The following PRKCE variants were observed in gnomAD, a reference collection of about 807,000 sequenced individuals.
PRKCE encodes protein kinase C epsilon type.
A neutral mutation model predicts 85.4 loss-of-function variants in PRKCE; 16 were observed. The observed-to-expected ratio is 0.19, with a 90% CI of 0.13 to 0.28. The LOEUF (loss-of-function observed/expected upper bound fraction) is 0.28, where lower values mean the gene tolerates loss of function less well. Among genes scored for constraint, PRKCE ranks in the 10% least tolerant of loss-of-function variants. The pLI, the probability that PRKCE is intolerant of heterozygous loss-of-function variation, is 1.00. For synonymous variants in PRKCE, 388 were observed against 371.5 expected (o/e 1.04, Z -0.51); for missense variants, 573 against 975.2 (o/e 0.59, Z 5.49).
intron 2 of PRKCE, among the ~76,000 whole-genome samples, chr2:45,869,605 A>G (rs982839257): frequency 6.6e-6 from 1 of 152,024 alleles, no homozygotes; most frequent in Admixed American, 6.6e-5. Flanking sequence ...TGAGCTCACT[A>G]AGGGAGCACA....
At chr2:45,864,987 G>T (rs955282316) in intron 2 of PRKCE, among the ~76,000 whole-genome samples, 3 of 152,156 alleles carry the variant, frequency 2.0e-5, no homozygotes, top group Admixed American at 6.5e-5. Context: ...ACATTCCTAA[G>T]TTCTCAGGTA....
chr2:46,169,101 T>TG (rs1230072387), intron 14 of PRKCE, among the ~76,000 whole-genome samples: 1 of 152,068 alleles, frequency 6.6e-6, no homozygotes, highest in African/African-American at 2.4e-5. Context: ...GCAAGCTGAC[T>TG]GGGGGGGTGT....
chr2:45,732,442 G>A (rs1425690843), intron 1 of PRKCE, among the ~76,000 whole-genome samples: 1 of 152,076 alleles, frequency 6.6e-6, no homozygotes, highest in East Asian at 1.9e-4. Flanking sequence ...ATGAAATACA[G>A]TATTATTGGT....
intron 1 of PRKCE, among the ~76,000 whole-genome samples, chr2:45,817,433 C>T (rs1347942535): frequency 6.6e-6 from 1 of 152,166 alleles, no homozygotes; most frequent in African/African-American, 2.4e-5. Context: ...GTGGCTCACG[C>T]TTGTAATCCC....
chr2:45,986,543 AG>A (rs1179543778), intron 6 of PRKCE, among the ~76,000 whole-genome samples: 1 of 152,068 alleles, frequency 6.6e-6, no homozygotes, highest in East Asian at 1.9e-4. Context: ...ATCCAGGAGG[AG>A]GTGAGTGGAC....
At chr2:46,083,587 G>C (rs547309538) in intron 10 of PRKCE, among the ~76,000 whole-genome samples, 1 of 152,294 alleles carries the variant, frequency 6.6e-6, no homozygotes, top group African/African-American at 2.4e-5. Context: ...TTCAGTGAAT[G>C]ATCCAGCTGT....
intron 1 of PRKCE, among the ~76,000 whole-genome samples, chr2:45,663,453 A>G (rs1319671266): frequency 6.6e-6 from 1 of 152,132 alleles, no homozygotes; most frequent in Non-Finnish European, 1.5e-5. Context: ...GGAAAATGGG[A>G]TCTAAATAGA....
chr2:45,683,757 C>A (rs1677080518), intron 1 of PRKCE, among the ~76,000 whole-genome samples: 1 of 152,184 alleles, frequency 6.6e-6, no homozygotes, highest in Non-Finnish European at 1.5e-5. Flanking sequence ...GATAAACGGT[C>A]CCAGGCAGTC....
chr2:46,101,160 G>A (rs558476375), intron 11 of PRKCE, among the ~76,000 whole-genome samples: 2 of 152,190 alleles, frequency 1.3e-5, no homozygotes, highest in Non-Finnish European at 2.9e-5. Context: ...GAGCCACCAT[G>A]CCTGGCCTAT....
At position 45,928,043 on chromosome 2, in the gene PRKCE, A is replaced by G. The variant is rs1698763495; in HGVS notation, c.413-48386A>G. 3.9e-5 allele frequency among the ~76,000 whole-genome samples: 6 copies of G among 152,078 alleles called. No individual in the cohort carries two copies. The South Asian group carries it at 1.2e-3, about 32-fold the overall frequency. ...GCTATTGTTTGTTCTTTTGGGCTCT[A>G]AGATAGTACCCCTAGCACTAAACTC... On this transcript the variant is annotated intron_variant, in intron 2 of 14. Coordinates refer to ENST00000306156, the MANE Select transcript of PRKCE (RefSeq NM_005400.3).
chr2:45,976,003 C>A (rs1277592916), intron 2 of PRKCE, among the ~76,000 whole-genome samples: 5 of 152,156 alleles, frequency 3.3e-5, no homozygotes, highest in African/African-American at 1.2e-4. Context: ...ACTGCCATTG[C>A]CATTTACAAA....
chr2:45,958,816 A>ATATATAT (rs1701181096), intron 2 of PRKCE, among the ~76,000 whole-genome samples: 2 of 18,158 alleles, frequency 1.1e-4, no homozygotes, highest in Non-Finnish European at 1.9e-4. Context: ...ATATATATAT[A>ATATATAT]TTTTTTTTTT....
chr2:45,886,375 G>T (rs1695304952), intron 2 of PRKCE, among the ~76,000 whole-genome samples: 1 of 152,170 alleles, frequency 6.6e-6, no homozygotes, highest in Non-Finnish European at 1.5e-5. Flanking sequence ...TGACCGTCTG[G>T]CTATCTTAGA....
At chr2:45,752,971 T>C (rs4953246) in intron 1 of PRKCE, among the ~76,000 whole-genome samples, 40,686 of 152,054 alleles carry the variant, frequency 0.27, 5,920 homozygotes, top group East Asian at 0.4. Context: ...GGAGGGTCCT[T>C]GGGGTTTATG....
intron 10 of PRKCE, among the ~76,000 whole-genome samples, chr2:46,080,881 C>T (rs1199840215): frequency 1.3e-5 from 2 of 152,102 alleles, no homozygotes; most frequent in Non-Finnish European, 2.9e-5. Context: ...AGAGTGGGCA[C>T]CCAGCTCCAG....
chr2:45,951,795 C>G (rs1365154510), intron 2 of PRKCE, among the ~76,000 whole-genome samples: 1 of 152,196 alleles, frequency 6.6e-6, no homozygotes, highest in African/African-American at 2.4e-5. Flanking sequence ...TAAAATGTGA[C>G]AAACTCAGTT....
intron 2 of PRKCE, among the ~76,000 whole-genome samples, chr2:45,966,409 A>C (rs1212320655): frequency 6.6e-6 from 1 of 152,144 alleles, no homozygotes; most frequent in African/African-American, 2.4e-5. Flanking sequence ...AGTACCTCAT[A>C]CACTTAAGGT....
intron 1 of PRKCE, among the ~76,000 whole-genome samples, chr2:45,681,350 C>T (rs1310141912): frequency 6.8e-6 from 1 of 146,382 alleles, no homozygotes; most frequent in African/African-American, 2.5e-5. Context: ...AATAAGCCTC[C>T]TGGTGGGAAG....
At chr2:45,749,238 T>C (rs1226670995) in intron 1 of PRKCE, among the ~76,000 whole-genome samples, 3 of 152,238 alleles carry the variant, frequency 2.0e-5, no homozygotes, top group South Asian at 2.1e-4. Flanking sequence ...TGATCCACCA[T>C]GGGTATGTGC....
Sources: allele counts gnomAD v4.1 joint callset (sites outside exome capture counted in the v4.1 genomes callset), GRCh38; gene constraint gnomAD v4.1.1; transcripts MANE v1.5; gene names NCBI Gene and HGNC (gene_info 2026-07-23, HGNC 2026-07-21).